The following SUCLG2 variants were observed in gnomAD, a reference collection of about 807,000 sequenced individuals.
The protein encoded by SUCLG2 is succinate-CoA ligase GDP-forming subunit beta, also known as succinate--CoA ligase [GDP-forming] subunit beta, mitochondrial.
SUCLG2 carries 42 observed loss-of-function variants against 47.9 expected under a neutral mutation model. That is an observed-to-expected ratio of 0.88 (90% CI 0.69 to 1.14). The LOEUF is 1.14. Ranked by LOEUF, SUCLG2 falls within the 50% of genes most tolerant of loss-of-function variation. The pLI is 0.00. For missense variants in SUCLG2, 571 were observed against 525.9 expected, an observed-to-expected ratio of 1.09 and a Z score of -0.84; for synonymous variants, 195 against 197.3, an observed-to-expected ratio of 0.99 and a Z score of 0.10.
intron 1 of SUCLG2, among the ~76,000 whole-genome samples, chr3:67,650,888 C>G (rs1185081027): frequency 6.6e-6 from 1 of 152,158 alleles, no homozygotes; most frequent in Admixed American, 6.5e-5. Flanking sequence ...ACTTAAGAAC[C>G]ATTTCAAACT....
chr3:67,498,214 G>C lies in SUCLG2; in HGVS notation c.839C>G (p.Ser280Ter), dbSNP rs1392570906. The change falls in exon 8 of 11, where the codon TCA (serine) becomes TGA (stop). Residue 280 changes from serine (S) to a stop codon, truncating the protein, a stop_gained. Transcript: ENST00000307227. LOFTEE classifies it high-confidence loss of function. ...TTCATTTTCAATGGGCTCATTCTCT[G>C]ATTTGTCGTCCATAGCAAATATGTC... Reference protein sequence around the residue: ...QKDIFAMDDKSENEPIENEAA... With the variant: ...QKDIFAMDDK 3 of 1,613,826 alleles carry C rather than the reference G, an allele frequency of 1.9e-6. No individual in the cohort carries two copies. The Admixed American group carries it at 5.0e-5, about 27-fold the overall frequency.
intron 2 of SUCLG2, among the ~76,000 whole-genome samples, chr3:67,542,717 A>C (rs1303206860): frequency 2.6e-5 from 4 of 152,342 alleles, no homozygotes; most frequent in South Asian, 2.1e-4. Flanking sequence ...AGATCAAAAG[A>C]GACAAAGAAG....
chr3:67,451,318 A>G (rs1176009800), intron 9 of SUCLG2, among the ~76,000 whole-genome samples: 1 of 152,236 alleles, frequency 6.6e-6, no homozygotes, highest in African/African-American at 2.4e-5. Context: ...AATTAAATAA[A>G]TGAATCGATA....
chr3:67,410,612 G>A (rs1702913505), intron 9 of SUCLG2, among the ~76,000 whole-genome samples: 1 of 151,990 alleles, frequency 6.6e-6, no homozygotes. Flanking sequence ...TCTTTTTTGA[G>A]TGCTGTGTGT....
At chr3:67,580,398 T>C (rs1191227925) in intron 2 of SUCLG2, among the ~76,000 whole-genome samples, 1 of 152,206 alleles carries the variant, frequency 6.6e-6, no homozygotes, top group Non-Finnish European at 1.5e-5. Context: ...TTACCTGTTC[T>C]TCTTCATATT....
intron 10 of SUCLG2, among the ~76,000 whole-genome samples, chr3:67,396,012 A>T (rs1406004285): frequency 6.6e-6 from 1 of 152,176 alleles, no homozygotes; most frequent in Non-Finnish European, 1.5e-5. Context: ...TCTGGGACAC[A>T]TTCAAAGCAG....
intron 9 of SUCLG2, among the ~76,000 whole-genome samples, chr3:67,461,321 T>C (rs1344206933): frequency 6.6e-6 from 1 of 152,154 alleles, no homozygotes; most frequent in African/African-American, 2.4e-5. Context: ...GCCAACTCCA[T>C]AAATCTGCTT....
rs749671185 is a variant in SUCLG2 at position 67,609,510 on chromosome 3, T to A, written c.171A>T (p.Gln57His). Residue 57 changes from glutamine (Q) to histidine (H), a missense_variant, in exon 2 of 11, where the codon CAA becomes CAT. Physicochemically the swap from Gln to His is conservative, Grantham distance 24. Transcript: ENST00000307227. ...TTGCAGTGTCTGCTACAAAGAATCT[T>A]TGAACTCTCACTCCGTTGTCAGACA... ...KLMSDNGVRV[Q>H]RFFVADTANE... 1.9e-6 allele frequency: 3 copies of A among 1,613,622 alleles called. No homozygotes were observed. The highest frequency in any genetic ancestry group is 2.5e-6 in the Non-Finnish European group (3 of 1,179,908).
intron 9 of SUCLG2, among the ~76,000 whole-genome samples, chr3:67,408,099 T>C (rs1319230539): frequency 6.6e-6 from 1 of 152,180 alleles, no homozygotes; most frequent in Non-Finnish European, 1.5e-5. Context: ...AACCAACAGA[T>C]TGGTTCGATT....
intron 10 of SUCLG2, among the ~76,000 whole-genome samples, chr3:67,380,165 ATTT>A (rs35629133): frequency 7.1e-5 from 10 of 141,634 alleles, no homozygotes; most frequent in Admixed American, 1.4e-4. Flanking sequence ...ATCAGGAGGG[ATTT>A]TTTTTTTTTT....
At chr3:67,401,272 C>G (rs1575672007) in intron 9 of SUCLG2, among the ~76,000 whole-genome samples, 1 of 152,032 alleles carries the variant, frequency 6.6e-6, no homozygotes, top group East Asian at 1.9e-4. Flanking sequence ...ATTTCAAAAT[C>G]AGAAACCATT....
At chr3:67,475,116 G>C (rs1704715075) in intron 9 of SUCLG2, among the ~76,000 whole-genome samples, 1 of 152,076 alleles carries the variant, frequency 6.6e-6, no homozygotes, top group South Asian at 2.1e-4. Context: ...AATGGCATAA[G>C]TGATCAACAA....
intron 10 of SUCLG2, among the ~76,000 whole-genome samples, chr3:67,380,857 A>G (rs937008076): frequency 2.0e-5 from 3 of 152,100 alleles, no homozygotes; most frequent in African/African-American, 7.2e-5. Flanking sequence ...ACCAGCCCCT[A>G]CCCTGATGCT....
chr3:67,429,535 C>A (rs186295596), intron 9 of SUCLG2, among the ~76,000 whole-genome samples: 1 of 152,158 alleles, frequency 6.6e-6, no homozygotes, highest in African/African-American at 2.4e-5. Context: ...GAAGAAACTG[C>A]ATCAACTAAC....
At chr3:67,544,225 T>C (rs1047478503) in intron 2 of SUCLG2, among the ~76,000 whole-genome samples, 2 of 152,180 alleles carry the variant, frequency 1.3e-5, no homozygotes, top group African/African-American at 4.8e-5. Context: ...TGGTGTCAAG[T>C]AAAGCTGAGA....
intron 6 of SUCLG2, 93 bp downstream of exon 6, chr3:67,518,154 T>A (rs1705998242): frequency 3.0e-6 from 3 of 1,014,776 alleles, no homozygotes; most frequent in Non-Finnish European, 1.5e-6. Flanking sequence ...TAATCCTGTT[T>A]CCTGGTAATC....
At chr3:67,408,480 C>T in intron 9 of SUCLG2, 1 of 406,870 alleles carries the variant, frequency 2.5e-6, no homozygotes, top group Non-Finnish European at 3.3e-6. Flanking sequence ...CCATTTTATT[C>T]CAACTTCTCT....
chr3:67,373,393 A>G (rs7620108), downstream of SUCLG2, among the ~76,000 whole-genome samples: 139,441 of 152,098 alleles, frequency 0.92, 64,088 homozygotes, highest in East Asian at 0.99. Flanking sequence ...TCATAAAAGG[A>G]TTAATAACAA....
intron 1 of SUCLG2, among the ~76,000 whole-genome samples, chr3:67,622,197 T>C (rs570796527): frequency 1.3e-5 from 2 of 152,338 alleles, no homozygotes; most frequent in Non-Finnish European, 2.9e-5. Context: ...ATGAACCAGC[T>C]CTTGAAATAT....
Sources: gnomAD v4.1 joint callset for allele counts (sites outside exome capture counted in the v4.1 genomes callset) on GRCh38, gnomAD v4.1.1 for gene constraint, MANE v1.5 for transcripts, NCBI Gene and HGNC (gene_info 2026-07-23, HGNC 2026-07-21) for gene names.